ADK: variants seen among roughly 807,000 people sequenced by gnomAD.
ADK encodes the protein N6,N6-dimethyladenosine kinase.
ADK carries 24 observed loss-of-function variants against 44.7 expected under a neutral mutation model. That is an observed-to-expected ratio of 0.54 (90% CI 0.39 to 0.76). ADK has a LOEUF of 0.76. Among genes scored for constraint, ADK ranks in the 30% least tolerant of loss-of-function variants. The pLI, the probability that ADK is intolerant of heterozygous loss-of-function variation, is 0.00. For synonymous variants in ADK, 128 were observed against 142.6 expected (o/e 0.90, Z 0.73); for missense variants, 321 against 425.1 (o/e 0.76, Z 2.15).
chr10:74,279,756 A>C (rs1846845447), intron 3 of ADK, among the ~76,000 whole-genome samples: 1 of 151,330 alleles, frequency 6.6e-6, no homozygotes, highest in Non-Finnish European at 1.5e-5. Flanking sequence ...ATTTGTGGCC[A>C]AGTGAAGTGC....
At chr10:74,346,182 G>T (rs1841757157) in intron 4 of ADK, among the ~76,000 whole-genome samples, 1 of 152,114 alleles carries the variant, frequency 6.6e-6, no homozygotes, top group Non-Finnish European at 1.5e-5. Flanking sequence ...ATGAGCCACT[G>T]CGCCTGGCCA....
chr10:74,668,619 C>A (rs1328738859), intron 9 of ADK, among the ~76,000 whole-genome samples: 4 of 152,150 alleles, frequency 2.6e-5, no homozygotes, highest in Admixed American at 6.5e-5. Flanking sequence ...GACTGTAATC[C>A]CAGCTACTTG....
chr10:74,214,534 A>C (rs548055822), intron 2 of ADK, among the ~76,000 whole-genome samples: 22 of 152,344 alleles, frequency 1.4e-4, no homozygotes, highest in South Asian at 6.2e-4. Context: ...ACCAAGTCTT[A>C]ACTTGACATT....
At chr10:74,171,901 G>A (rs1303770936) in intron 1 of ADK, among the ~76,000 whole-genome samples, 2 of 151,598 alleles carry the variant, frequency 1.3e-5, no homozygotes, top group Non-Finnish European at 2.9e-5. Context: ...GCTGGGGAAG[G>A]GAAGTTGCTG....
intron 6 of ADK, among the ~76,000 whole-genome samples, chr10:74,409,490 G>T (rs532392994): frequency 6.6e-6 from 1 of 152,148 alleles, no homozygotes; most frequent in Admixed American, 6.5e-5. Flanking sequence ...TTTTGTGAGA[G>T]TATGAGACTT....
chr10:74,537,047 C>T (rs1849474318), intron 7 of ADK, among the ~76,000 whole-genome samples: 5 of 152,134 alleles, frequency 3.3e-5, no homozygotes, highest in Admixed American at 3.3e-4. Context: ...AACAGGTACA[C>T]CATTTTACAT....
intron 2 of ADK, among the ~76,000 whole-genome samples, chr10:74,212,553 T>G (rs11000924): frequency 6.6e-6 from 1 of 151,886 alleles, no homozygotes; most frequent in Admixed American, 6.6e-5. Flanking sequence ...TAAAATAAGG[T>G]TATTAGGGTT....
At chr10:74,708,218 G>T in intron 10 of ADK, 103 bp from the exon 11 acceptor site, 3 of 1,254,496 alleles carry the variant, frequency 2.4e-6, no homozygotes, top group Non-Finnish European at 3.4e-6. Flanking sequence ...TGTCAAGGCT[G>T]AAGAATGAGA....
At chr10:74,618,782 A>G (rs537044255) in intron 9 of ADK, among the ~76,000 whole-genome samples, 5 of 151,900 alleles carry the variant, frequency 3.3e-5, no homozygotes, top group African/African-American at 1.2e-4. Context: ...TATTTTCTCT[A>G]GCTGCTTTTT....
intron 7 of ADK, among the ~76,000 whole-genome samples, chr10:74,547,118 A>T (rs1480355787): frequency 1.3e-5 from 2 of 152,150 alleles, no homozygotes; most frequent in Non-Finnish European, 2.9e-5. Context: ...AGAAGAGTAC[A>T]GAGTTCTCTC....
intron 6 of ADK, among the ~76,000 whole-genome samples, chr10:74,486,024 G>C (rs1022189407): frequency 1.3e-5 from 2 of 152,156 alleles, no homozygotes; most frequent in African/African-American, 4.8e-5. Flanking sequence ...TGGTGATATG[G>C]TTAGGCTTTT....
At chr10:74,692,350 G>T (rs1431293293) in intron 10 of ADK, among the ~76,000 whole-genome samples, 2 of 152,102 alleles carry the variant, frequency 1.3e-5, no homozygotes, top group East Asian at 1.9e-4. Context: ...ATGGTGGCAG[G>T]CGCCTATAAT....
intron 7 of ADK, among the ~76,000 whole-genome samples, chr10:74,577,148 G>A (rs1485573601): frequency 6.6e-6 from 1 of 150,684 alleles, no homozygotes; most frequent in African/African-American, 2.5e-5. Context: ...GTGTGTGTGT[G>A]TGTGTAGTCT....
intron 9 of ADK, among the ~76,000 whole-genome samples, chr10:74,619,663 AT>A (rs775563027): frequency 1.3e-5 from 2 of 151,824 alleles, no homozygotes; most frequent in Admixed American, 6.6e-5. Context: ...GTTTTTAAAG[AT>A]TTTTTTTAAT....
intron 9 of ADK, among the ~76,000 whole-genome samples, chr10:74,642,318 T>C (rs1477167075): frequency 2.6e-5 from 4 of 151,684 alleles, no homozygotes; most frequent in African/African-American, 9.7e-5. Flanking sequence ...CCTCAATTTT[T>C]TTTTCTTTTT....
chr10:74,556,208 T>C (rs1850240576), intron 7 of ADK, among the ~76,000 whole-genome samples: 1 of 152,190 alleles, frequency 6.6e-6, no homozygotes, highest in Non-Finnish European at 1.5e-5. Flanking sequence ...GCCCATTTGC[T>C]CTCCTTTTCA....
At chr10:74,697,143 G>A (rs1856238082) in intron 10 of ADK, among the ~76,000 whole-genome samples, 1 of 152,032 alleles carries the variant, frequency 6.6e-6, no homozygotes, top group Admixed American at 6.5e-5. Flanking sequence ...AGGTTTCTGG[G>A]AACTATTTAA....
intron 4 of ADK, among the ~76,000 whole-genome samples, chr10:74,346,870 G>A (rs942906748): frequency 1.3e-5 from 2 of 152,028 alleles, no homozygotes; most frequent in African/African-American, 4.8e-5. Flanking sequence ...CAGTGCTTTG[G>A]GAGGCTGAGG....
intron 2 of ADK, among the ~76,000 whole-genome samples, chr10:74,222,131 C>A (rs1484373388): frequency 6.6e-6 from 1 of 151,814 alleles, no homozygotes; most frequent in African/African-American, 2.4e-5. Context: ...GGGCTAATAT[C>A]CAGAATCTAC....
Sources: gnomAD v4.1 joint callset for allele counts (sites outside exome capture counted in the v4.1 genomes callset) on GRCh38, gnomAD v4.1.1 for gene constraint, MANE v1.5 for transcripts, NCBI Gene and HGNC (gene_info 2026-07-23, HGNC 2026-07-21) for gene names.